Variants in ABCC1 observed in about 807,000 individuals in gnomAD.
ABCC1 encodes the protein multidrug resistance-associated protein 1.
Under a neutral mutation model 172.9 loss-of-function variants are expected in ABCC1, and 83 were observed. The observed-to-expected ratio is 0.48, with a 90% CI of 0.40 to 0.58. ABCC1 has a LOEUF of 0.58. Among genes scored for constraint, ABCC1 ranks in the 20% least tolerant of loss-of-function variants. The pLI is 0.00. For synonymous variants in ABCC1, 937 were observed against 825.2 expected (o/e 1.14, Z -2.32); for missense variants, 1,817 against 2,002.7 (o/e 0.91, Z 1.77).
rs2046113847 is a variant in ABCC1, at chr16:16,141,198, A to C, written c.4513A>C (p.Ile1505Leu). 1 of 1,613,788 alleles carries C rather than the reference A, an allele frequency of 6.2e-7. No homozygotes were observed. Among genetic ancestry groups the C allele is most frequent in the Non-Finnish European group, 8.5e-7 (1 of 1,179,936 alleles). ...TRVIVLDKGEIQEYGAPSDLL... is the reference protein window; with the variant it reads ...TRVIVLDKGELQEYGAPSDLL... ...GGTGATCGTCTTGGACAAAGGAGAAATCCAGGAGTACGGCGCCCCATCGGA... is the reference window on the plus strand; with the variant it reads ...GGTGATCGTCTTGGACAAAGGAGAACTCCAGGAGTACGGCGCCCCATCGGA... Residue 1505 changes from isoleucine (I) to leucine (L), a missense_variant, in exon 31 of 31, where the codon ATC (isoleucine) becomes CTC (leucine). By Grantham distance (5) the Ile-to-Leu change is conservative. This residue lies in a region of ABCC1 where 1,412 missense variants were observed against 1,600.3 expected (regional missense o/e 0.88). Coordinates refer to ENST00000399410, the MANE Select transcript of ABCC1 (RefSeq NM_004996.4).
At chr16:16,067,576 C>T (rs903662528) in intron 12 of ABCC1, among the ~76,000 whole-genome samples, 8 of 152,104 alleles carry the variant, frequency 5.3e-5, no homozygotes, top group Admixed American at 2.6e-4. Flanking sequence ...TAGGGGCTTG[C>T]CTGGAGAGGT....
chr16:16,086,756 C>A, intron 17 of ABCC1, 68 bp from the exon 18 acceptor site: 1 of 1,566,786 alleles, frequency 6.4e-7, no homozygotes, highest in Non-Finnish European at 8.7e-7. Context: ...CCACACTCGG[C>A]CTGCTTCTAC....
At chr16:16,129,533 T>A (rs1483678201) in intron 26 of ABCC1, among the ~76,000 whole-genome samples, 1 of 148,862 alleles carries the variant, frequency 6.7e-6, no homozygotes, top group Non-Finnish European at 1.5e-5. Context: ...GGTGGGGTTT[T>A]TTTTTGTTTT....
At chr16:16,024,355 T>C (rs1009857205) in intron 5 of ABCC1, among the ~76,000 whole-genome samples, 1 of 151,970 alleles carries the variant, frequency 6.6e-6, no homozygotes, top group Non-Finnish European at 1.5e-5. Context: ...AATTTTTTGT[T>C]TGTTTGTTTG....
At chr16:16,137,055 C>T (rs988839941) in intron 29 of ABCC1, among the ~76,000 whole-genome samples, 2 of 152,188 alleles carry the variant, frequency 1.3e-5, no homozygotes, top group Admixed American at 1.3e-4. Context: ...AGCATTAATG[C>T]CTGGCACACC....
intron 1 of ABCC1, among the ~76,000 whole-genome samples, chr16:15,954,216 A>G (rs935713885): frequency 2.6e-5 from 4 of 151,770 alleles, no homozygotes; most frequent in African/African-American, 9.7e-5. Flanking sequence ...CCCCATAGAG[A>G]CGGGGTTTCA....
chr16:15,949,163 C>T (rs1363972548), upstream of ABCC1, among the ~76,000 whole-genome samples: 2 of 152,140 alleles, frequency 1.3e-5, no homozygotes, highest in Non-Finnish European at 2.9e-5. Context: ...GAGGGAATCA[C>T]TCAACCTCTC....
intron 5 of ABCC1, among the ~76,000 whole-genome samples, chr16:16,024,908 G>A (rs1169536004): frequency 6.6e-6 from 1 of 152,142 alleles, no homozygotes; most frequent in Non-Finnish European, 1.5e-5. Context: ...GGCCAGGTGC[G>A]TGGCTCACAC....
At chr16:16,139,907 G>A (rs1458699244) in intron 30 of ABCC1, among the ~76,000 whole-genome samples, 1 of 152,196 alleles carries the variant, frequency 6.6e-6, no homozygotes, top group African/African-American at 2.4e-5. Context: ...TAAGGGCCGG[G>A]GTAGTTTCAG....
At chr16:16,124,335 G>GTGTGTGTGTGTGTGTGTA (rs766911904) in intron 24 of ABCC1, among the ~76,000 whole-genome samples, 2,902 of 87,766 alleles carry the variant, frequency 0.033, 316 homozygotes, top group African/African-American at 0.11. Flanking sequence ...GTGTGTGTGT[G>GTGTGTGTGTGTGTGTGTA]TGTGTGTGTG....
chr16:15,993,322 G>A (rs895703776), intron 1 of ABCC1, among the ~76,000 whole-genome samples: 4 of 152,132 alleles, frequency 2.6e-5, no homozygotes, highest in Non-Finnish European at 5.9e-5. Flanking sequence ...CTGCAACCTG[G>A]CACTTGGGTC....
chr16:15,958,001 G>A (rs1340991908), intron 1 of ABCC1, among the ~76,000 whole-genome samples: 1 of 152,200 alleles, frequency 6.6e-6, no homozygotes, highest in Non-Finnish European at 1.5e-5. Context: ...CATGGTAGCG[G>A]TCCGCTGAGG....
chr16:15,982,803 C>CAAAAA lies in ABCC1; in HGVS notation c.49-24996_49-24992dup, dbSNP rs148834444. On this transcript the variant is annotated intron_variant, in intron 1 of 30. Transcript: ENST00000399410. Reference sequence around the variant, plus strand: ...TCTGGGCAACAGAGTGAGACGCTGTCAAAAAAAAAAAAAAAAAAAAAGGAA... The same window carrying CAAAAA: ...TCTGGGCAACAGAGTGAGACGCTGTCAAAAAAAAAAAAAAAAAAAAAAAAAAGGAA... Among the ~76,000 whole-genome samples, 39 of 43,218 alleles carry CAAAAA rather than the reference C, an allele frequency of 9.0e-4. 3 individuals are homozygous for CAAAAA. Among genetic ancestry groups the CAAAAA allele is most frequent in the African/African-American group, 2.2e-3 (26 of 11,938 alleles). 28.4% of individuals were successfully genotyped at this position (43,218 alleles called of 152,430 possible).
chr16:16,085,697 T>C (rs1444842101), intron 17 of ABCC1, among the ~76,000 whole-genome samples: 1 of 152,146 alleles, frequency 6.6e-6, no homozygotes, highest in African/African-American at 2.4e-5. Flanking sequence ...AGAGGATTGC[T>C]TGAACCTGGG....
At chr16:16,020,333 G>T in intron 5 of ABCC1, among the ~76,000 whole-genome samples, 1 of 152,190 alleles carries the variant, frequency 6.6e-6, no homozygotes, top group East Asian at 1.9e-4. Flanking sequence ...TTGATTGGCT[G>T]ACACTCTCTG....
Position 16,122,141 on chromosome 16 carries a change from A to G in ABCC1, c.3557A>G (p.Gln1186Arg), listed in dbSNP as rs369759884. 52 of 1,614,106 alleles carry G rather than the reference A, an allele frequency of 3.2e-5. No homozygotes were observed. Among genetic ancestry groups the G allele is most frequent in the Non-Finnish European group, 3.9e-5 (46 of 1,180,042 alleles). The change falls in exon 24 of 31, where the codon CAG becomes CGG. Residue 1186 changes from glutamine to arginine, a missense_variant. Physicochemically the swap from Gln to Arg is conservative, Grantham distance 43. Around this residue, in one of 3 missense-constraint regions of ABCC1, gnomAD observed 1,412 missense variants for 1,600.3 expected, o/e 0.88. Transcript: ENST00000399410. The part of the protein sequence containing the change: ...HQSDLKVDEN[Q>R]KAYYPSIVAN... The stretch of plus-strand genomic sequence containing the variant: ...AGTGACCTGAAGGTGGACGAGAACC[A>G]GAAGGCCTATTACCCCAGCATCGTG...
At chr16:16,039,851 G>A (rs1264878725) in intron 7 of ABCC1, among the ~76,000 whole-genome samples, 1 of 152,156 alleles carries the variant, frequency 6.6e-6, no homozygotes, top group Admixed American at 6.6e-5. Flanking sequence ...AGCAGCCAGT[G>A]CAAAGGCTCT....
intron 22 of ABCC1, among the ~76,000 whole-genome samples, chr16:16,113,021 C>G (rs1486599988): frequency 6.6e-6 from 1 of 152,176 alleles, no homozygotes; most frequent in African/African-American, 2.4e-5. Flanking sequence ...GAGATGGAAG[C>G]CTCTCTGTTC....
intron 1 of ABCC1, among the ~76,000 whole-genome samples, chr16:15,957,320 A>T (rs976124952): frequency 6.8e-5 from 10 of 147,164 alleles, no homozygotes; most frequent in Admixed American, 2.1e-4. Context: ...TCCTGAACTC[A>T]GGCGATCTGC....
Sources: allele counts gnomAD v4.1 joint callset (sites outside exome capture counted in the v4.1 genomes callset), GRCh38; gene constraint gnomAD v4.1.1; regional missense constraint gnomAD v4.1.1; transcripts MANE v1.5; gene names NCBI Gene and HGNC (gene_info 2026-07-23, HGNC 2026-07-21).